Variants in MOBP observed in about 807,000 individuals in gnomAD.
MOBP encodes the protein myelin-associated oligodendrocyte basic protein.
A neutral mutation model predicts 15.0 loss-of-function variants in MOBP; 5 were observed. The observed-to-expected ratio is 0.33, with a 90% CI of 0.17 to 0.70. The LOEUF is 0.70. Among genes scored for constraint, MOBP ranks in the 30% least tolerant of loss-of-function variants. The pLI is 0.67. For missense variants in MOBP, 188 were observed against 257.8 expected (o/e 0.73, Z 1.85); for synonymous variants, 88 against 99.0 (o/e 0.89, Z 0.66).
At chr3:39,513,278 G>A in intron 4 of MOBP, 1 of 945,926 alleles carries the variant, frequency 1.1e-6, no homozygotes, top group Non-Finnish European at 1.6e-6. Context: ...TAACCTCAAA[G>A]GTAGTCTCAA....
intron 1 of MOBP, among the ~76,000 whole-genome samples, chr3:39,469,846 A>G (rs2042442849): frequency 6.6e-6 from 1 of 152,236 alleles, no homozygotes; most frequent in Non-Finnish European, 1.5e-5. Context: ...GCCAAAAATT[A>G]AAAATCTAGA....
downstream of MOBP, among the ~76,000 whole-genome samples, chr3:39,503,641 C>A (rs1237165024): frequency 8.0e-6 from 1 of 124,332 alleles, no homozygotes; most frequent in East Asian, 2.4e-4. Context: ...CCCCAATACA[C>A]ACATGCCTGG....
intron 1 of MOBP, among the ~76,000 whole-genome samples, chr3:39,474,464 A>T (rs2042515469): frequency 6.6e-6 from 1 of 152,218 alleles, no homozygotes. Flanking sequence ...AGGCTACTTA[A>T]TACAACGGTA....
At chr3:39,506,242 G>C (rs1363973132), downstream of MOBP, among the ~76,000 whole-genome samples, 1 of 152,066 alleles carries the variant, frequency 6.6e-6, no homozygotes, top group African/African-American at 2.4e-5. Context: ...CTCTACCTTA[G>C]ACAAATTTTA....
At position 39,502,340 on chromosome 3, in the gene MOBP, C is replaced by T. The variant is rs548112644; in HGVS notation, c.206+65C>T. On this transcript the variant is annotated intron_variant, in intron 3 of 3. Transcript: ENST00000684792. This position sits in a 1 kb window ranked among gnomAD's most constrained non-coding sequence, Gnocchi z 6.3. ...GCGCGTGGTCTCGGCTCCCAGCACG[C>T]CCCTCCCGCTCCGCACCCCACTCTT... 4.2e-5 allele frequency: 67 copies of T among 1,602,364 alleles called. No individual in the cohort carries two copies. The East Asian group carries it at 1.1e-3, about 27-fold the overall frequency.
chr3:39,520,039 C>A (rs1426139425), downstream of MOBP, among the ~76,000 whole-genome samples: 2 of 151,240 alleles, frequency 1.3e-5, no homozygotes, highest in Non-Finnish European at 2.9e-5. Context: ...TACTTAACAA[C>A]CTTTCCATAT....
At chr3:39,522,909 C>T (rs1207431836) in intron 3 of MOBP, among the ~76,000 whole-genome samples, 1 of 152,204 alleles carries the variant, frequency 6.6e-6, no homozygotes, top group Non-Finnish European at 1.5e-5. Context: ...TGAAGGGCTG[C>T]AGCCAGAGAC....
chr3:39,521,691 T>A (rs2043268655), intron 3 of MOBP, among the ~76,000 whole-genome samples: 1 of 152,184 alleles, frequency 6.6e-6, no homozygotes, highest in South Asian at 2.1e-4. Context: ...AAAGATAAAG[T>A]CATTTAGGGT....
chr3:39,501,985 A>G, intron 2 of MOBP, 81 bp from the exon 3 acceptor site: 2 of 1,180,236 alleles, frequency 1.7e-6, no homozygotes, highest in Non-Finnish European at 2.5e-6. Flanking sequence ...TGGGAGTAGC[A>G]GGGGGCTTCC....
chr3:39,473,518 C>G lies in MOBP; in HGVS notation c.-89+5778C>G, dbSNP rs1415290702. ...TGAATAATTTCATGGGGCTCTGAGGCGTAGGAGCTGTCTGGTATCTGGTCC... is the reference window on the plus strand; with the variant it reads ...TGAATAATTTCATGGGGCTCTGAGGGGTAGGAGCTGTCTGGTATCTGGTCC... On this transcript the variant is annotated intron_variant, in intron 1 of 3. Coordinates refer to ENST00000684792, the MANE Select transcript of MOBP (RefSeq NM_001393704.1). 2.6e-5 allele frequency among the ~76,000 whole-genome samples: 4 copies of G among 152,108 alleles called. No individual in the cohort carries two copies. The East Asian group carries it at 7.7e-4, about 29-fold the overall frequency.
chr3:39,503,658 T>TTTTATTA (rs10662939), downstream of MOBP, among the ~76,000 whole-genome samples: 39 of 147,982 alleles, frequency 2.6e-4, no homozygotes, highest in South Asian at 8.6e-4. Flanking sequence ...CTGGCCAATT[T>TTTTATTA]TTTATTTATT....
At chr3:39,527,465 G>A (rs1250960738), downstream of MOBP, 1 of 133,912 alleles carries the variant, frequency 7.5e-6, no homozygotes, top group African/African-American at 3.0e-5. Flanking sequence ...TTGAGACGGA[G>A]TTTCTCTCTT....
intron 2 of MOBP, among the ~76,000 whole-genome samples, chr3:39,490,052 G>A (rs553618711): frequency 4.9e-4 from 74 of 152,152 alleles, no homozygotes; most frequent in South Asian, 4.1e-3. Context: ...CATTGTATTT[G>A]CACACTTTGT....
downstream of MOBP, among the ~76,000 whole-genome samples, chr3:39,504,263 A>G (rs1327239909): frequency 3.3e-5 from 5 of 152,238 alleles, no homozygotes; most frequent in Admixed American, 1.3e-4. Context: ...TAGGACAGGT[A>G]AGTATTGATA....
chr3:39,522,233 C>T (rs2043277910), intron 3 of MOBP, among the ~76,000 whole-genome samples: 1 of 152,204 alleles, frequency 6.6e-6, no homozygotes, highest in Admixed American at 6.5e-5. Flanking sequence ...AAAACAAACA[C>T]ATTAAGCAAT....
At position 39,502,552 on chromosome 3, in the gene MOBP, A is replaced by G; in HGVS notation, c.224A>G (p.Lys75Arg). Residue 75 changes from lysine (K) to arginine (R), a missense_variant, in exon 4 of 4, where the codon AAG (lysine) becomes AGG (arginine). Physicochemically the swap from Lys to Arg is conservative, Grantham distance 26. Coordinates refer to ENST00000684792, the MANE Select transcript of MOBP (RefSeq NM_001393704.1). The surrounding 1 kb of genome is among the most constrained non-coding windows in gnomAD (Gnocchi z 6.3). ...CCTCTCAGAACCAGCCGCCGTGCCA[A>G]GTCCCCTCAGAGGCCCAAGCAACAG... is the stretch of plus-strand genomic sequence containing the variant. ...CQKTRTSRRA[K>R]SPQRPKQQPA... 1 of 1,580,366 alleles carries G rather than the reference A, an allele frequency of 6.3e-7. No individual in the cohort carries two copies. The highest frequency in any genetic ancestry group is 1.1e-5 in the South Asian group (1 of 87,792).
intron 2 of MOBP, among the ~76,000 whole-genome samples, chr3:39,501,111 A>G (rs542040590): frequency 7.9e-5 from 12 of 152,342 alleles, no homozygotes; most frequent in Middle Eastern, 3.4e-3. Context: ...ATTGTTCTGT[A>G]CTCATCCTTA....
chr3:39,485,808 AGATGGACACAAAC>A (rs1296056732), intron 2 of MOBP, among the ~76,000 whole-genome samples: 1 of 152,214 alleles, frequency 6.6e-6, no homozygotes, highest in Non-Finnish European at 1.5e-5. Flanking sequence ...GGATCAATCA[AGATGGACACAAAC>A]GATGCTTCCT....
chr3:39,473,050 G>A (rs950271187), intron 1 of MOBP, among the ~76,000 whole-genome samples: 2 of 152,172 alleles, frequency 1.3e-5, no homozygotes, highest in Non-Finnish European at 2.9e-5. Context: ...CTGCGGGGCT[G>A]GACTGGGCCC....
Sources: allele counts gnomAD v4.1 joint callset (sites outside exome capture counted in the v4.1 genomes callset), GRCh38; gene constraint gnomAD v4.1.1; non-coding constraint Gnocchi (gnomAD v3.1); transcripts MANE v1.5; gene names NCBI Gene and HGNC (gene_info 2026-07-23, HGNC 2026-07-21).